Variants in DAB1 observed in about 807,000 individuals in gnomAD.
The protein encoded by DAB1 is disabled homolog 1.
Under a neutral mutation model 64.6 loss-of-function variants are expected in DAB1, and 15 were observed. The ratio of observed to expected loss-of-function variants is 0.23; its 90% CI spans 0.16 to 0.36. DAB1 has a LOEUF of 0.36. Ranked by LOEUF, DAB1 falls within the 10% of genes least tolerant of loss-of-function variation. The pLI, the probability that DAB1 is intolerant of heterozygous loss-of-function variation, is 1.00. For synonymous variants in DAB1, 235 were observed against 251.9 expected (o/e 0.93, Z 0.64); for missense variants, 596 against 706.7 (o/e 0.84, Z 1.78).
At chr1:57,927,934 T>A (rs1315842897) in intron 5 of DAB1, among the ~76,000 whole-genome samples, 1 of 152,216 alleles carries the variant, frequency 6.6e-6, no homozygotes, top group East Asian at 1.9e-4. Context: ...ATCTATCCAA[T>A]CTCTATTGCC....
chr1:58,123,748 TTTG>T (rs554837846), intron 5 of DAB1, among the ~76,000 whole-genome samples: 108 of 152,308 alleles, frequency 7.1e-4, no homozygotes, highest in African/African-American at 2.3e-3. Flanking sequence ...GACTGATCGA[TTTG>T]TTATGTCTCT....
intron 3 of DAB1, among the ~76,000 whole-genome samples, chr1:58,351,941 G>T (rs1319565927): frequency 6.7e-6 from 1 of 150,318 alleles, no homozygotes; most frequent in African/African-American, 2.5e-5. Flanking sequence ...GGAGTAGGAT[G>T]GGAATGCAAG....
intron 1 of DAB1, among the ~76,000 whole-genome samples, chr1:57,417,072 T>C (rs1276316578): frequency 6.6e-6 from 1 of 152,102 alleles, no homozygotes; most frequent in Non-Finnish European, 1.5e-5. Flanking sequence ...GAAAAATATA[T>C]TCAAAAGAAT....
chr1:58,169,541 G>A (rs1656048779), intron 4 of DAB1, among the ~76,000 whole-genome samples: 1 of 152,132 alleles, frequency 6.6e-6, no homozygotes, highest in Admixed American at 6.5e-5. Flanking sequence ...CCATCTGAGG[G>A]AAGTATAAAT....
chr1:58,402,703 T>C (rs1438535975), intron 3 of DAB1, among the ~76,000 whole-genome samples: 1 of 152,122 alleles, frequency 6.6e-6, no homozygotes, highest in Non-Finnish European at 1.5e-5. Flanking sequence ...CCAGAACTTT[T>C]TCCGCGTTTA....
chr1:58,313,440 C>A (rs1357108029), intron 4 of DAB1, among the ~76,000 whole-genome samples: 2 of 152,110 alleles, frequency 1.3e-5, no homozygotes, highest in African/African-American at 4.8e-5. Flanking sequence ...AAAGGGATGG[C>A]AGAGAACCAA....
chr1:57,226,669 A>AAG lies in DAB1; in HGVS notation c.67+64294_67+64295insCT, dbSNP rs1262486759. 2.0e-4 allele frequency among the ~76,000 whole-genome samples: 26 copies of AAG among 128,318 alleles called. No individual in the cohort carries two copies. The South Asian group carries it at 4.5e-3, about 22-fold the overall frequency. The allele number at this position is 128,318 out of a possible 152,430, so 84.2% of individuals were successfully genotyped here. ...CCTGTCACTCAAAAGTGGTTAAAAA[A>AAG]AAAATATATATATATATATATATAT... On this transcript the variant is annotated intron_variant, in intron 2 of 14. Transcript: ENST00000371236.
intron 7 of DAB1, among the ~76,000 whole-genome samples, chr1:57,598,831 G>A (rs1439024027): frequency 6.6e-6 from 1 of 152,168 alleles, no homozygotes; most frequent in African/African-American, 2.4e-5. Flanking sequence ...TTTACATCCA[G>A]GGGCTCAGCA....
chr1:57,171,933 T>C (rs545266442), intron 2 of DAB1, among the ~76,000 whole-genome samples: 2 of 152,304 alleles, frequency 1.3e-5, no homozygotes, highest in African/African-American at 4.8e-5. Flanking sequence ...ATGTATTGTC[T>C]CATGGTTCTG....
chr1:57,738,937 T>C (rs1401117375), intron 6 of DAB1, among the ~76,000 whole-genome samples: 5 of 152,192 alleles, frequency 3.3e-5, no homozygotes, highest in Admixed American at 6.5e-5. Context: ...AGGAGGAGAA[T>C]GCCCTAAATG....
chr1:58,143,610 A>G (rs908010200), intron 5 of DAB1, among the ~76,000 whole-genome samples: 1 of 152,228 alleles, frequency 6.6e-6, no homozygotes, highest in Non-Finnish European at 1.5e-5. Context: ...GAGACAGGCA[A>G]TAACAGCACT....
chr1:57,033,375 C>G (rs763573950), intron 9 of DAB1: 28 of 1,612,690 alleles, frequency 1.7e-5, no homozygotes, highest in Non-Finnish European at 2.3e-5. Context: ...ACACAAACCT[C>G]AAGGCCTTAC....
At chr1:58,503,718 C>G (rs1421576705) in intron 3 of DAB1, among the ~76,000 whole-genome samples, 7 of 151,946 alleles carry the variant, frequency 4.6e-5, no homozygotes, top group Non-Finnish European at 1.0e-4. Flanking sequence ...GGAAGTGGGC[C>G]CTCACCAGAC....
intron 4 of DAB1, among the ~76,000 whole-genome samples, chr1:58,186,527 T>C (rs1376488063): frequency 6.6e-6 from 1 of 152,232 alleles, no homozygotes; most frequent in Non-Finnish European, 1.5e-5. Flanking sequence ...ATAACTTTTT[T>C]TTCTTTTTAA....
chr1:57,459,605 A>G (rs1403788245), intron 7 of DAB1, among the ~76,000 whole-genome samples: 2 of 152,210 alleles, frequency 1.3e-5, no homozygotes, highest in Non-Finnish European at 2.9e-5. Context: ...TTTCTTGGAC[A>G]TTAAACTAGA....
At chr1:58,150,202 T>C (rs1437748772) in intron 5 of DAB1, among the ~76,000 whole-genome samples, 1 of 152,168 alleles carries the variant, frequency 6.6e-6, no homozygotes, top group Non-Finnish European at 1.5e-5. Flanking sequence ...GAGCCAAGAT[T>C]TGAACCCAGG....
intron 3 of DAB1, among the ~76,000 whole-genome samples, chr1:58,495,416 T>C (rs1321166961): frequency 6.6e-6 from 1 of 151,736 alleles, no homozygotes; most frequent in African/African-American, 2.4e-5. Context: ...ACTTAAAGTA[T>C]AATAATAATA....
intron 1 of DAB1, among the ~76,000 whole-genome samples, chr1:57,304,706 T>C (rs986378230): frequency 1.3e-5 from 2 of 152,206 alleles, no homozygotes; most frequent in Non-Finnish European, 2.9e-5. Context: ...TTCCCTCTAT[T>C]TCATTTGCAT....
chr1:57,570,402 A>G (rs1370057636), intron 7 of DAB1, among the ~76,000 whole-genome samples: 1 of 151,988 alleles, frequency 6.6e-6, no homozygotes, highest in Non-Finnish European at 1.5e-5. Flanking sequence ...TCATATATAT[A>G]TATATATATA....
Sources: allele counts gnomAD v4.1 joint callset (sites outside exome capture counted in the v4.1 genomes callset), GRCh38; gene constraint gnomAD v4.1.1; transcripts MANE v1.5; gene names NCBI Gene and HGNC (gene_info 2026-07-23, HGNC 2026-07-21).